The following SPRYD3 variants were observed in gnomAD, a reference collection of about 807,000 sequenced individuals.
SPRYD3 encodes SPRY domain containing 3.
A neutral mutation model predicts 50.1 loss-of-function variants in SPRYD3; 17 were observed. The ratio of observed to expected loss-of-function variants is 0.34; its 90% confidence interval spans 0.23 to 0.51. The LOEUF is 0.51. Ranked by LOEUF, SPRYD3 falls within the 20% of genes least tolerant of loss-of-function variation. The pLI, the probability that SPRYD3 is intolerant of heterozygous loss-of-function variation, is 0.97. For missense variants in SPRYD3, 401 were observed against 591.2 expected, an observed-to-expected ratio of 0.68 and a Z score of 3.34; for synonymous variants, 198 against 215.5, an observed-to-expected ratio of 0.92 and a Z score of 0.71.
rs2121191626 is a variant in SPRYD3, at chr12:53,064,853, G to A, written c.*979C>T. ...GGATTAGAAGGAGATAGAGGGCTTG[G>A]TGGGGAGGACACATGTAAGTGCTAG... On this transcript the variant is annotated 3_prime_UTR_variant, in exon 11 of 11. Transcript: ENST00000301463. 1 of 152,880 alleles carries A rather than the reference G, an allele frequency of 6.5e-6. No homozygotes were observed. Among genetic ancestry groups the A allele is most frequent in the African/African-American group, 2.4e-5 (1 of 41,550 alleles). 9.5% of individuals were successfully genotyped at this position (152,880 alleles called of 1,614,324 possible).
chr12:53,069,435 C>T (rs569670780), intron 6 of SPRYD3, among the ~76,000 whole-genome samples: 9 of 152,288 alleles, frequency 5.9e-5, no homozygotes, highest in African/African-American at 2.2e-4. Context: ...GAAGCCTGTG[C>T]GTGTCTCCAG....
rs1210954331 is a variant in SPRYD3, at chr12:53,074,005, G to A, written c.508-534C>T. On this transcript the variant is annotated intron_variant, in intron 5 of 10. Coordinates refer to ENST00000301463, the MANE Select transcript of SPRYD3 (RefSeq NM_032840.3). This position sits in a 1 kb window ranked among gnomAD's most constrained non-coding sequence, Gnocchi z 4.6. ...GCTAGAAGACAAACACAAGTCTCCT[G>A]ACTTGCTGCCAAATACTTTCAGTAC... Among the ~76,000 whole-genome samples the A allele has an allele frequency of 6.6e-6, 1 of 152,156 alleles. No homozygotes were observed. Among genetic ancestry groups the A allele is most frequent in the East Asian group, 1.9e-4 (1 of 5,180 alleles).
intron 6 of SPRYD3, among the ~76,000 whole-genome samples, chr12:53,071,723 T>TAAA (rs60600870): frequency 1.9e-5 from 2 of 104,490 alleles, no homozygotes; most frequent in East Asian, 2.9e-4. Flanking sequence ...TAGCCTGTCT[T>TAAA]AAAAAAAAAA....
intron 6 of SPRYD3, 93 bp downstream of exon 6, chr12:53,073,193 A>C: frequency 3.6e-6 from 3 of 836,454 alleles, no homozygotes; most frequent in Non-Finnish European, 5.7e-6. Context: ...CCGACTCCCC[A>C]TTCCCAGCAA....
rs1944570695 is a variant in SPRYD3, at chr12:53,074,028, T to C, written c.508-557A>G. ...CTGACTTGCTGCCAAATACTTTCAGTACGTGTGCTGGACAGGAGAGTGCCG... is the reference window on the plus strand; with the variant it reads ...CTGACTTGCTGCCAAATACTTTCAGCACGTGTGCTGGACAGGAGAGTGCCG... On this transcript the variant is annotated intron_variant, in intron 5 of 10. Coordinates refer to ENST00000301463, the MANE Select transcript of SPRYD3 (RefSeq NM_032840.3). The surrounding 1 kb of genome is among the most constrained non-coding windows in gnomAD (Gnocchi z 4.6). 6.6e-6 allele frequency among the ~76,000 whole-genome samples: 1 copy of C among 152,060 alleles called. No individual in the cohort carries two copies. Among genetic ancestry groups the C allele is most frequent in the African/African-American group, 2.4e-5 (1 of 41,402 alleles).
intron 6 of SPRYD3, among the ~76,000 whole-genome samples, chr12:53,071,771 G>A (rs2121202666): frequency 6.6e-6 from 1 of 150,606 alleles, no homozygotes; most frequent in South Asian, 2.1e-4. Context: ...CTGGAAAAAG[G>A]CACATGTCCC....
At chr12:53,073,261 T>TCTCC in intron 6 of SPRYD3, 25 bp downstream of exon 6, 1 of 108,968 alleles carries the variant, frequency 9.2e-6, no homozygotes, top group Non-Finnish European at 1.9e-5. Flanking sequence ...ACCCAGCCCC[T>TCTCC]CCCACCCTCC....
At position 53,064,841 on chromosome 12, in the gene SPRYD3, A is replaced by G. The variant is rs934973476; in HGVS notation, c.*991T>C. 2.6e-5 allele frequency: 4 copies of G among 152,744 alleles called. No individual in the cohort carries two copies. The highest frequency in any genetic ancestry group is 5.9e-5 in the Non-Finnish European group (4 of 68,112). The allele number at this position is 152,744 out of a possible 1,614,324, so 9.5% of individuals were successfully genotyped here. A position where few individuals can be genotyped will look rare whatever the true frequency, so the allele number is the denominator to read the frequency against. On this transcript the variant is annotated 3_prime_UTR_variant, in exon 11 of 11. Coordinates refer to ENST00000301463, the MANE Select transcript of SPRYD3 (RefSeq NM_032840.3). ...CCAGGGGTTGAAGGATTAGAAGGAG[A>G]TAGAGGGCTTGGTGGGGAGGACACA...
chr12:53,078,129 TG>T, intron 1 of SPRYD3: 1 of 454,066 alleles, frequency 2.2e-6, no homozygotes, highest in Non-Finnish European at 4.4e-6. Context: ...CAGTCAGTTC[TG>T]ATTGTGCCAC....
intron 6 of SPRYD3, among the ~76,000 whole-genome samples, chr12:53,070,850 A>G (rs1944544441): frequency 6.6e-6 from 1 of 152,182 alleles, no homozygotes; most frequent in Admixed American, 6.5e-5. Context: ...ACAATGTCCA[A>G]TCAACAGAAA....
At chr12:53,077,075 G>A (rs770848968) in intron 2 of SPRYD3, 40 bp downstream of exon 2, 3 of 1,600,770 alleles carry the variant, frequency 1.9e-6, no homozygotes, top group African/African-American at 2.7e-5. Flanking sequence ...CTAAGATCTG[G>A]AACAGAGAAG....
intron 6 of SPRYD3, among the ~76,000 whole-genome samples, chr12:53,069,902 T>C (rs1240657767): frequency 2.0e-5 from 3 of 152,148 alleles, no homozygotes; most frequent in Non-Finnish European, 2.9e-5. Flanking sequence ...TCTATCCAAC[T>C]GGCCTCGGTG....
chr12:53,070,195 G>A (rs914679848), intron 6 of SPRYD3, among the ~76,000 whole-genome samples: 2 of 152,178 alleles, frequency 1.3e-5, no homozygotes, highest in Non-Finnish European at 2.9e-5. Context: ...GTGTATAGGT[G>A]AGGCTTGTAC....
At chr12:53,071,406 G>T (rs904784093) in intron 6 of SPRYD3, among the ~76,000 whole-genome samples, 1 of 152,122 alleles carries the variant, frequency 6.6e-6, no homozygotes, top group Non-Finnish European at 1.5e-5. Context: ...ACCTCACTTT[G>T]CGAGGCCTGG....
Position 53,065,690 on chromosome 12 carries a change from AG to A in SPRYD3, c.*141del. ...AAACGTGGGCACAGAGAAGCGTGACAGGGGCCTGAGCCAGTGGGGGCAGAGT... is the reference window on the plus strand; with the variant it reads ...AAACGTGGGCACAGAGAAGCGTGACAGGGCCTGAGCCAGTGGGGGCAGAGT... On this transcript the variant is annotated 3_prime_UTR_variant, in exon 11 of 11. Coordinates refer to ENST00000301463, the MANE Select transcript of SPRYD3 (RefSeq NM_032840.3). 1 of 839,626 alleles carries A rather than the reference AG, an allele frequency of 1.2e-6. No homozygotes were observed. The highest frequency in any genetic ancestry group is 1.9e-6 in the Non-Finnish European group (1 of 525,320). 52.0% of individuals were successfully genotyped at this position (839,626 alleles called of 1,614,324 possible).
At chr12:53,075,496 G>A (rs1426058770) in intron 3 of SPRYD3, among the ~76,000 whole-genome samples, 1 of 152,152 alleles carries the variant, frequency 6.6e-6, no homozygotes, top group Non-Finnish European at 1.5e-5. Flanking sequence ...TCTGGGATAT[G>A]GGTCAAAGTC....
chr12:53,070,991 G>C (rs1944545425), intron 6 of SPRYD3, among the ~76,000 whole-genome samples: 1 of 152,100 alleles, frequency 6.6e-6, no homozygotes, highest in African/African-American at 2.4e-5. Context: ...CTGCAGACCA[G>C]AGTGTGGACA....
At position 53,075,335 on chromosome 12, in the gene SPRYD3, C is replaced by T. The variant is rs530469149; in HGVS notation, c.247-116G>A. On this transcript the variant is annotated intron_variant, in intron 3 of 10. Coordinates refer to ENST00000301463, the MANE Select transcript of SPRYD3 (RefSeq NM_032840.3). ...CGCTGAGGCTCAAAAAGAAAAAGGA[C>T]ATGGGAATCAGGAAAAAAGATAAGA... 1.5e-5 allele frequency: 17 copies of T among 1,098,076 alleles called. 1 individual carries two copies. The South Asian group carries it at 2.7e-4, about 18-fold the overall frequency. 68.0% of individuals were successfully genotyped at this position (1,098,076 alleles called of 1,614,324 possible).
chr12:53,073,710 G>A (rs887350449), intron 5 of SPRYD3, among the ~76,000 whole-genome samples: 4 of 152,070 alleles, frequency 2.6e-5, no homozygotes, highest in Non-Finnish European at 4.4e-5. Context: ...CGGGCGTGGT[G>A]GCGGGCGCCT....
Sources: allele counts gnomAD v4.1 joint callset (sites outside exome capture counted in the v4.1 genomes callset), GRCh38; gene constraint gnomAD v4.1.1; non-coding constraint Gnocchi (gnomAD v3.1); transcripts MANE v1.5; gene names NCBI Gene and HGNC (gene_info 2026-07-23, HGNC 2026-07-21).